Variants in ETV6 observed in about 807,000 individuals in gnomAD.
ETV6 encodes ETS variant transcription factor 6.
Under a neutral mutation model 51.1 loss-of-function variants are expected in ETV6, and 16 were observed. That is an observed-to-expected ratio of 0.31 (90% CI 0.21 to 0.48). The LOEUF (loss-of-function observed/expected upper bound fraction) is 0.48. Ranked by LOEUF, ETV6 falls within the 20% of genes least tolerant of loss-of-function variation. The pLI is 0.99. For synonymous variants in ETV6, 240 were observed against 224.1 expected (o/e 1.07, Z -0.64); for missense variants, 458 against 594.8 (o/e 0.77, Z 2.39).
chr12:11,891,065 T>A lies in ETV6; in HGVS notation c.*19T>A. ...ATGCTGAAGGAACCAACAGTCCACC[T>A]CAGCGGGCCAGCAGCCCAGGGAACC... On this transcript the variant is annotated 3_prime_UTR_variant, in exon 8 of 8. Transcript: ENST00000396373. 1 of 1,593,938 alleles carries A rather than the reference T, an allele frequency of 6.3e-7. No individual in the cohort carries two copies. Among genetic ancestry groups the A allele is most frequent in the Non-Finnish European group, 8.6e-7 (1 of 1,162,228 alleles).
intron 7 of ETV6, 42 bp downstream of exon 7, chr12:11,886,068 C>CTGTT (rs769026502): frequency 3.5e-6 from 5 of 1,437,656 alleles, no homozygotes; most frequent in Non-Finnish European, 4.9e-6. Flanking sequence ...TGGGAGGATG[C>CTGTT]TGTTTTCTTT....
intron 1 of ETV6, among the ~76,000 whole-genome samples, chr12:11,698,157 G>T (rs1565490211): frequency 6.6e-6 from 1 of 152,178 alleles, no homozygotes; most frequent in Non-Finnish European, 1.5e-5. Flanking sequence ...CCCTGCCACA[G>T]GTTCCAGGAA....
At chr12:11,749,355 A>T (rs1865977759) in intron 1 of ETV6, among the ~76,000 whole-genome samples, 1 of 130,384 alleles carries the variant, frequency 7.7e-6, no homozygotes, top group Non-Finnish European at 1.7e-5. Context: ...ACACACCCCT[A>T]CTCCCCATAA....
chr12:11,811,929 G>A (rs1399305670), intron 2 of ETV6, among the ~76,000 whole-genome samples: 2 of 152,156 alleles, frequency 1.3e-5, no homozygotes, highest in Non-Finnish European at 2.9e-5. Flanking sequence ...GCAGAGAACT[G>A]GAAAGCTGAG....
At chr12:11,709,680 A>G (rs1865137606) in intron 1 of ETV6, among the ~76,000 whole-genome samples, 1 of 152,246 alleles carries the variant, frequency 6.6e-6, no homozygotes. Context: ...GATGAGACTA[A>G]TATTTAAATT....
intron 1 of ETV6, among the ~76,000 whole-genome samples, chr12:11,739,717 T>G (rs1407135393): frequency 6.6e-6 from 1 of 151,896 alleles, no homozygotes; most frequent in African/African-American, 2.4e-5. Flanking sequence ...AAAGAATATT[T>G]TGGCCACATT....
chr12:11,853,654 G>C (rs878973455), intron 4 of ETV6, 93 bp downstream of exon 4: 2 of 1,438,422 alleles, frequency 1.4e-6, no homozygotes, highest in African/African-American at 2.8e-5. Context: ...CTTCGTGTAA[G>C]TTCACTTTTC....
At chr12:11,739,764 C>T (rs974238978) in intron 1 of ETV6, among the ~76,000 whole-genome samples, 9 of 152,066 alleles carry the variant, frequency 5.9e-5, no homozygotes, top group Non-Finnish European at 2.9e-5. Context: ...TGCATTTTAC[C>T]CATCTCTTGT....
chr12:11,739,342 T>C (rs189895130), intron 1 of ETV6, among the ~76,000 whole-genome samples: 62 of 152,336 alleles, frequency 4.1e-4, no homozygotes, highest in Non-Finnish European at 7.5e-4. Flanking sequence ...GAATAGTGCG[T>C]GGCCCCCACT....
chr12:11,746,454 C>T (rs1340986843), intron 1 of ETV6, among the ~76,000 whole-genome samples: 1 of 152,224 alleles, frequency 6.6e-6, no homozygotes, highest in African/African-American at 2.4e-5. Flanking sequence ...ACACATACCA[C>T]ATGCTCACTT....
intron 2 of ETV6, among the ~76,000 whole-genome samples, chr12:11,779,425 A>T (rs1271926630): frequency 5.3e-5 from 8 of 152,196 alleles, no homozygotes; most frequent in Non-Finnish European, 4.4e-5. Flanking sequence ...CTGTAGTTCA[A>T]AGCTAGACTT....
At chr12:11,878,827 G>GA (rs111309234) in intron 5 of ETV6, among the ~76,000 whole-genome samples, 4,714 of 132,534 alleles carry the variant, frequency 0.036, 276 homozygotes, top group African/African-American at 0.12. Context: ...GAGGAGGAGG[G>GA]GAAAAAAAAA....
At chr12:11,832,103 C>T (rs1379735528) in intron 2 of ETV6, among the ~76,000 whole-genome samples, 2 of 152,106 alleles carry the variant, frequency 1.3e-5, no homozygotes, top group African/African-American at 4.8e-5. Flanking sequence ...AATTTTAAAA[C>T]GTAAGTGAGC....
intron 4 of ETV6, among the ~76,000 whole-genome samples, chr12:11,862,439 A>G (rs2136518403): frequency 6.6e-6 from 1 of 152,308 alleles, no homozygotes; most frequent in Middle Eastern, 3.4e-3. Flanking sequence ...GGCTTAAACA[A>G]CAGATATTTA....
chr12:11,853,659 C>T (rs945865962), intron 4 of ETV6, 98 bp downstream of exon 4: 21 of 1,386,576 alleles, frequency 1.5e-5, no homozygotes, highest in Admixed American at 2.0e-5. Flanking sequence ...TGTAAGTTCA[C>T]TTTTCATTCA....
chr12:11,694,102 T>C (rs951094046), intron 1 of ETV6, among the ~76,000 whole-genome samples: 1 of 152,226 alleles, frequency 6.6e-6, no homozygotes, highest in Non-Finnish European at 1.5e-5. Flanking sequence ...CAGGGTATTA[T>C]ATGTTGGATG....
chr12:11,810,633 A>G (rs533915102), intron 2 of ETV6, among the ~76,000 whole-genome samples: 8 of 152,378 alleles, frequency 5.3e-5, no homozygotes, highest in South Asian at 4.1e-4. Context: ...ATGTCTGACT[A>G]TCACAATTAG....
rs1947376208 is a variant in ETV6, at chr12:11,895,294, A to C, written c.*4248A>C. The C allele has an allele frequency of 8.6e-6, 2 of 232,592 alleles. No individual in the cohort carries two copies. Among genetic ancestry groups the C allele is most frequent in the South Asian group, 3.6e-4 (2 of 5,504 alleles). 14.4% of individuals were successfully genotyped at this position (232,592 alleles called of 1,614,324 possible). On this transcript the variant is annotated 3_prime_UTR_variant, in exon 8 of 8. Coordinates refer to ENST00000396373, the MANE Select transcript of ETV6 (RefSeq NM_001987.5). ...CAAATGAATGTAACAAAAAAGAAAA[A>C]AAAAACAAAAAAAAATGCCTTTTCT...
At chr12:11,670,348 T>C (rs1864290268) in intron 1 of ETV6, among the ~76,000 whole-genome samples, 2 of 152,196 alleles carry the variant, frequency 1.3e-5, no homozygotes, top group Admixed American at 6.5e-5. Context: ...GTGATATGAG[T>C]CTTACTTCGT....
Sources: allele counts gnomAD v4.1 joint callset (sites outside exome capture counted in the v4.1 genomes callset), GRCh38; gene constraint gnomAD v4.1.1; transcripts MANE v1.5; gene names NCBI Gene and HGNC (gene_info 2026-07-23, HGNC 2026-07-21).